Variants in AP1B1 observed in about 807,000 individuals in gnomAD.
AP1B1 encodes the protein AP-1 complex subunit beta-1.
AP1B1 carries 36 observed loss-of-function variants against 104.3 expected under a neutral mutation model. That is an observed-to-expected ratio of 0.35 (90% CI 0.26 to 0.46). The LOEUF (loss-of-function observed/expected upper bound fraction) is 0.46. AP1B1 is among the 20% of genes least tolerant of loss of function. AP1B1 has a pLI of 1.00. For synonymous variants in AP1B1, 504 were observed against 517.5 expected (o/e 0.97, Z 0.35); for missense variants, 901 against 1,247.9 (o/e 0.72, Z 4.19).
intron 10 of AP1B1, 67 bp from the exon 11 acceptor site, chr22:29,349,450 C>A (rs1389629832): frequency 1.3e-6 from 2 of 1,570,950 alleles, no homozygotes; most frequent in East Asian, 2.3e-5. Context: ...GGAAGCCAGA[C>A]AGGGGCCAGG....
intron 3 of AP1B1, among the ~76,000 whole-genome samples, chr22:29,360,542 G>GT (rs1208949847): frequency 2.6e-5 from 4 of 152,310 alleles, no homozygotes; most frequent in African/African-American, 9.6e-5. Flanking sequence ...CTGGCACCCG[G>GT]TAAGAACCAG....
chr22:29,337,306 T>C (rs914190091), intron 16 of AP1B1, among the ~76,000 whole-genome samples: 2 of 152,176 alleles, frequency 1.3e-5, no homozygotes, highest in Admixed American at 6.5e-5. Flanking sequence ...GAGGAGGACG[T>C]GCTGGCGGTG....
chr22:29,330,804 G>A (rs1171500860), intron 19 of AP1B1, 95 bp from the exon 20 acceptor site: 1 of 1,072,002 alleles, frequency 9.3e-7, no homozygotes, highest in Non-Finnish European at 1.4e-6. Flanking sequence ...CCTTTACTGT[G>A]CCACGTGAAA....
In AP1B1 at chr22:29,350,034, CTTG is replaced by C. The variant is rs1237911215; in HGVS notation, c.1269_1271del (p.Asn423del). 6.2e-7 allele frequency: 1 copy of C among 1,613,636 alleles called. No homozygotes were observed. Among genetic ancestry groups the C allele is most frequent in the African/African-American group, 1.3e-5 (1 of 74,924 alleles). ...CTCTCCCTAGGAGGGCGGGCACGCA[CTTG>C]TTGGGGTACTTGCGGAAGATGTCCT... On this transcript the variant is annotated inframe_deletion and splice_region_variant, in exon 10 of 23. Transcript: ENST00000357586.
chr22:29,358,193 G>A (rs1487012287), intron 5 of AP1B1, among the ~76,000 whole-genome samples: 2 of 152,200 alleles, frequency 1.3e-5, no homozygotes, highest in African/African-American at 4.8e-5. Context: ...TGCCACCATT[G>A]TGGGTAAGGG....
chr22:29,341,952 C>T (rs1403244647), intron 12 of AP1B1, among the ~76,000 whole-genome samples, 192 bp from the exon 13 acceptor site: 1 of 152,230 alleles, frequency 6.6e-6, no homozygotes, highest in Admixed American at 6.5e-5. Context: ...CCCCATGGTA[C>T]TCTACTCCAG....
intron 1 of AP1B1, 113 bp downstream of exon 1, chr22:29,388,311 C>G (rs2062566564): frequency 6.6e-6 from 1 of 152,378 alleles, no homozygotes; most frequent in Non-Finnish European, 1.5e-5. Flanking sequence ...CGCTCGCGCC[C>G]CTGCAGCGCC....
chr22:29,335,832 A>C (rs2061630091), intron 16 of AP1B1, among the ~76,000 whole-genome samples: 1 of 151,990 alleles, frequency 6.6e-6, no homozygotes, highest in East Asian at 1.9e-4. Flanking sequence ...ACGCCCCCGG[A>C]CAGATCTGTG....
chr22:29,374,474 T>A (rs1019111305), intron 1 of AP1B1, among the ~76,000 whole-genome samples: 1 of 152,180 alleles, frequency 6.6e-6, no homozygotes, highest in Non-Finnish European at 1.5e-5. Flanking sequence ...TGACTACAAA[T>A]AGGAGAATGG....
intron 11 of AP1B1, among the ~76,000 whole-genome samples, chr22:29,346,175 A>T (rs1390620322): frequency 6.6e-6 from 1 of 152,126 alleles, no homozygotes; most frequent in East Asian, 1.9e-4. Flanking sequence ...AACAGGGAGG[A>T]GGAGCTTGGA....
intron 12 of AP1B1, among the ~76,000 whole-genome samples, chr22:29,342,063 A>G (rs1354756433): frequency 6.6e-6 from 1 of 152,090 alleles, no homozygotes; most frequent in Non-Finnish European, 1.5e-5. Context: ...TCCTCTGTCT[A>G]GTTTGTCTCA....
At chr22:29,388,009 T>TA (rs1438812793) in intron 1 of AP1B1, among the ~76,000 whole-genome samples, 1 of 152,184 alleles carries the variant, frequency 6.6e-6, no homozygotes, top group Non-Finnish European at 1.5e-5. Context: ...ACGGGACCGT[T>TA]TTCTAGTTTT....
chr22:29,330,797 T>G, intron 19 of AP1B1, 88 bp from the exon 20 acceptor site: 1 of 1,142,688 alleles, frequency 8.8e-7, no homozygotes. Flanking sequence ...GGTCTGGCCT[T>G]TACTGTGCCA....
At chr22:29,388,092 T>C (rs1160232210) in intron 1 of AP1B1, among the ~76,000 whole-genome samples, 1 of 152,160 alleles carries the variant, frequency 6.6e-6, no homozygotes, top group Non-Finnish European at 1.5e-5. Context: ...AGGATGGCCA[T>C]GGAGGTGAGT....
intron 11 of AP1B1, among the ~76,000 whole-genome samples, chr22:29,344,936 C>T (rs1014193472): frequency 6.6e-6 from 1 of 152,204 alleles, no homozygotes; most frequent in African/African-American, 2.4e-5. Context: ...GTGGTGCAGG[C>T]CCATAGTCCT....
chr22:29,332,028 CGTG>C, intron 17 of AP1B1, 112 bp from the exon 18 acceptor site: 1 of 1,139,598 alleles, frequency 8.8e-7, no homozygotes, highest in Non-Finnish European at 1.2e-6. Context: ...AGCCTCTCAC[CGTG>C]CCAGCCTTCC....
chr22:29,342,129 A>T (rs1425458125), intron 12 of AP1B1, among the ~76,000 whole-genome samples, 156 bp downstream of exon 12: 2 of 152,276 alleles, frequency 1.3e-5, no homozygotes, highest in African/African-American at 4.8e-5. Flanking sequence ...CCCTGAAGGC[A>T]GGGAGCTTGG....
intron 1 of AP1B1, among the ~76,000 whole-genome samples, chr22:29,378,854 G>A (rs1228985299): frequency 2.0e-4 from 16 of 79,858 alleles, no homozygotes; most frequent in African/African-American, 7.0e-4. Context: ...GCAAGACTCC[G>A]TCCCACAAAA....
chr22:29,353,501 C>T (rs1387543123), intron 7 of AP1B1, among the ~76,000 whole-genome samples: 5 of 152,182 alleles, frequency 3.3e-5, no homozygotes, highest in Admixed American at 6.5e-5. Context: ...CTAGTCACTA[C>T]GCCGCATTAA....
Sources: gnomAD v4.1 joint callset for allele counts (sites outside exome capture counted in the v4.1 genomes callset) on GRCh38, gnomAD v4.1.1 for gene constraint, MANE v1.5 for transcripts, NCBI Gene and HGNC (gene_info 2026-07-23, HGNC 2026-07-21) for gene names.